Variants in KCND2 observed in about 807,000 individuals in gnomAD.
KCND2 encodes A-type voltage-gated potassium channel KCND2.
KCND2 carries 16 observed loss-of-function variants against 54.4 expected under a neutral mutation model. That is an observed-to-expected ratio of 0.29 (90% CI 0.20 to 0.45). The LOEUF is 0.45. Among genes scored for constraint, KCND2 ranks in the 20% least tolerant of loss-of-function variants. The pLI is 1.00. For synonymous variants in KCND2, 317 were observed against 310.7 expected (o/e 1.02, Z -0.21); for missense variants, 486 against 824.2 (o/e 0.59, Z 5.02).
intron 1 of KCND2, among the ~76,000 whole-genome samples, chr7:120,319,457 A>T (rs985741774): frequency 9.2e-5 from 14 of 152,104 alleles, no homozygotes; most frequent in Non-Finnish European, 1.8e-4. Context: ...GGCTCTGGGA[A>T]TTGAAATTTA....
chr7:120,692,753 G>GC (rs1165722154), intron 1 of KCND2, among the ~76,000 whole-genome samples: 1 of 152,170 alleles, frequency 6.6e-6, no homozygotes, highest in Non-Finnish European at 1.5e-5. Flanking sequence ...TTCTCTCCAA[G>GC]CCAGAGGGCC....
chr7:120,527,818 G>A (rs967850540), intron 1 of KCND2, among the ~76,000 whole-genome samples: 1 of 151,962 alleles, frequency 6.6e-6, no homozygotes, highest in Non-Finnish European at 1.5e-5. Flanking sequence ...TACATATAGG[G>A]AAGTATAAGG....
chr7:120,587,580 A>G (rs902033209), intron 1 of KCND2, among the ~76,000 whole-genome samples: 1 of 151,878 alleles, frequency 6.6e-6, no homozygotes, highest in Non-Finnish European at 1.5e-5. Context: ...TCTTTTGGGG[A>G]AAAAAAATCA....
intron 1 of KCND2, among the ~76,000 whole-genome samples, chr7:120,588,320 T>C (rs961883394): frequency 2.6e-5 from 4 of 152,068 alleles, no homozygotes; most frequent in African/African-American, 9.7e-5. Context: ...CTATGAATGA[T>C]TTTATTTACC....
intron 1 of KCND2, among the ~76,000 whole-genome samples, chr7:120,661,241 G>T (rs1791861622): frequency 6.6e-6 from 1 of 151,612 alleles, no homozygotes; most frequent in Admixed American, 6.6e-5. Context: ...CAGTCAAGAA[G>T]CAGTTGAACT....
At chr7:120,433,024 A>C (rs542926184) in intron 1 of KCND2, among the ~76,000 whole-genome samples, 1 of 152,244 alleles carries the variant, frequency 6.6e-6, no homozygotes, top group Admixed American at 6.5e-5. Flanking sequence ...TCCTTGCTTC[A>C]ATCACACAGG....
chr7:120,587,556 T>G (rs1257875776), intron 1 of KCND2, among the ~76,000 whole-genome samples: 4 of 152,102 alleles, frequency 2.6e-5, no homozygotes, highest in Non-Finnish European at 5.9e-5. Flanking sequence ...CGAATAGATT[T>G]CCTAACAGAT....
chr7:120,520,087 C>T (rs893526103), intron 1 of KCND2, among the ~76,000 whole-genome samples: 1 of 151,800 alleles, frequency 6.6e-6, no homozygotes, highest in Non-Finnish European at 1.5e-5. Flanking sequence ...AACAATAGTT[C>T]TTTATGATAA....
chr7:120,348,247 AGTTATT>A (rs1173368480), intron 1 of KCND2, among the ~76,000 whole-genome samples: 1 of 152,132 alleles, frequency 6.6e-6, no homozygotes, highest in Non-Finnish European at 1.5e-5. Flanking sequence ...TTAACAGAAT[AGTTATT>A]GTTATAGATG....
At chr7:120,675,016 T>TAA (rs199846681) in intron 1 of KCND2, among the ~76,000 whole-genome samples, 3 of 145,840 alleles carry the variant, frequency 2.1e-5, no homozygotes, top group South Asian at 2.2e-4. Context: ...CAACAGAAGT[T>TAA]AAAAAAAAAA....
chr7:120,314,463 A>G (rs1799784365), intron 1 of KCND2, among the ~76,000 whole-genome samples: 1 of 152,160 alleles, frequency 6.6e-6, no homozygotes, highest in Non-Finnish European at 1.5e-5. Flanking sequence ...ACAGTGTGGG[A>G]GAATAAATGT....
chr7:120,468,019 G>GTA (rs879509596), intron 1 of KCND2, among the ~76,000 whole-genome samples: 8 of 152,142 alleles, frequency 5.3e-5, no homozygotes, highest in Non-Finnish European at 8.8e-5. Flanking sequence ...ACAATTATAT[G>GTA]TATATATATA....
intron 1 of KCND2, among the ~76,000 whole-genome samples, chr7:120,636,480 T>C (rs1793306341): frequency 6.6e-6 from 1 of 152,120 alleles, no homozygotes; most frequent in South Asian, 2.1e-4. Flanking sequence ...TGCTATTATT[T>C]TTTGCATAAT....
chr7:120,372,158 A>G (rs1563025062), intron 1 of KCND2, among the ~76,000 whole-genome samples: 1 of 151,948 alleles, frequency 6.6e-6, no homozygotes, highest in Admixed American at 6.6e-5. Flanking sequence ...GATCTGTGAC[A>G]GAAATTTTCT....
Position 120,598,166 on chromosome 7 carries a change from A to AAC in KCND2, c.1116-134736_1116-134735insCA, listed in dbSNP as rs1792770543. Among the ~76,000 whole-genome samples the AAC allele has an allele frequency of 4.6e-5, 7 of 152,112 alleles. No homozygotes were observed. The South Asian group carries it at 1.4e-3, about 31-fold the overall frequency. The stretch of plus-strand genomic sequence containing the variant: ...TTCCACTGAACAATTAAGTGGTTTC[A>AAC]ATGAGGAAAAGTCAATTCATTCTTT... On this transcript the variant is annotated intron_variant, in intron 1 of 5. Transcript: ENST00000331113.
intron 1 of KCND2, among the ~76,000 whole-genome samples, chr7:120,642,498 G>A (rs1488253780): frequency 6.6e-6 from 1 of 151,436 alleles, no homozygotes; most frequent in African/African-American, 2.4e-5. Flanking sequence ...GGAGGTGGGG[G>A]TTGCAGTGAG....
chr7:120,732,056 G>A (rs1011460846), intron 1 of KCND2, among the ~76,000 whole-genome samples: 4 of 152,086 alleles, frequency 2.6e-5, no homozygotes, highest in Non-Finnish European at 5.9e-5. Flanking sequence ...CTGATTTTCA[G>A]GAGAGACATC....
chr7:120,742,655 G>A, intron 4 of KCND2, 53 bp downstream of exon 4: 1 of 1,361,612 alleles, frequency 7.3e-7, no homozygotes, highest in African/African-American at 1.4e-5. Context: ...AATTCCATTT[G>A]CTTTTGTGCA....
At chr7:120,279,741 T>C (rs1799235612) in intron 1 of KCND2, among the ~76,000 whole-genome samples, 1 of 151,948 alleles carries the variant, frequency 6.6e-6, no homozygotes, top group South Asian at 2.1e-4. Flanking sequence ...TTCATAGCGA[T>C]GTATCAGGGA....
Sources: allele counts gnomAD v4.1 joint callset (sites outside exome capture counted in the v4.1 genomes callset), GRCh38; gene constraint gnomAD v4.1.1; transcripts MANE v1.5; gene names NCBI Gene and HGNC (gene_info 2026-07-23, HGNC 2026-07-21).